The following NUP107 variants were observed in gnomAD, a reference collection of about 807,000 sequenced individuals.
NUP107 encodes nuclear pore complex protein Nup107.
In NUP107, 101 loss-of-function variants were observed where a neutral mutation model predicts 141.0. That is an observed-to-expected ratio of 0.72 (90% CI 0.61 to 0.84). NUP107 has a LOEUF of 0.84. Among genes scored for constraint, NUP107 ranks in the 40% least tolerant of loss-of-function variants. NUP107 has a pLI of 0.00. For synonymous variants in NUP107, 319 were observed against 363.9 expected (o/e 0.88, Z 1.41); for missense variants, 941 against 1,102.7 (o/e 0.85, Z 2.08).
chr12:68,736,717 C>CTTTTTTTTTTTTT (rs10713889), intron 26 of NUP107, among the ~76,000 whole-genome samples: 5 of 105,892 alleles, frequency 4.7e-5, no homozygotes, highest in Non-Finnish European at 5.5e-5. Flanking sequence ...GTGTCGCCAC[C>CTTTTTTTTTTTTT]TTTTTTTTTT....
At chr12:68,714,460 A>G (rs997022006) in intron 11 of NUP107, 5 of 152,250 alleles carry the variant, frequency 3.3e-5, no homozygotes, top group Non-Finnish European at 7.3e-5. Flanking sequence ...TAATCTTACC[A>G]GCTGGAAAGT....
intron 8 of NUP107, among the ~76,000 whole-genome samples, chr12:68,707,833 A>G (rs926933579): frequency 6.6e-6 from 1 of 152,246 alleles, no homozygotes; most frequent in African/African-American, 2.4e-5. Context: ...GAGGTGGCTC[A>G]TGCCTGCGAT....
chr12:68,709,120 T>C, intron 8 of NUP107, 118 bp from the exon 9 acceptor site: 1 of 669,624 alleles, frequency 1.5e-6, no homozygotes, highest in Non-Finnish European at 2.5e-6. Context: ...AAAATGTTTA[T>C]GTATAGATGA....
chr12:68,704,128 G>A (rs1876466400), intron 8 of NUP107, among the ~76,000 whole-genome samples: 1 of 152,200 alleles, frequency 6.6e-6, no homozygotes, highest in African/African-American at 2.4e-5. Flanking sequence ...ATATATGTGT[G>A]TGAGAGAAAT....
At chr12:68,706,529 G>A (rs1876589377) in intron 8 of NUP107, 12 of 678,354 alleles carry the variant, frequency 1.8e-5, no homozygotes, top group South Asian at 9.6e-5. Context: ...GGGATGACCC[G>A]TGGTGCACAA....
Position 68,731,181 on chromosome 12 carries a change from T to C in NUP107, c.1806T>C (p.Val602=), listed in dbSNP as rs1221125094. ...GTCATTTGCCTCAAGACCTAGCTGT[T>C]GCCCAGTATGCATTATTTTTGGAAA... The part of the protein sequence containing the change: ...YTCHLPQDLA[V]AQYALFLESV... The change falls in exon 21 of 28, where the codon GTT becomes GTC. Residue 602 remains valine (V), a synonymous_variant. Coordinates refer to ENST00000229179, the MANE Select transcript of NUP107 (RefSeq NM_020401.4). The C allele has an allele frequency of 1.2e-6, 2 of 1,612,152 alleles. No homozygotes were observed. Among genetic ancestry groups the C allele is most frequent in the Admixed American group, 3.4e-5 (2 of 59,670 alleles).
rs551358105 is a variant in NUP107, at chr12:68,690,646, G to A, written c.203G>A (p.Arg68Gln). 29 of 1,614,114 alleles carry A rather than the reference G, an allele frequency of 1.8e-5. 1 individual carries two copies. The highest frequency in any genetic ancestry group is 3.3e-4 in the Middle Eastern group (2 of 6,062). ...TTGTTTATAGTTACCCCAACAAGCC[G>A]AAGCTTACTAAGGCAGCCAGATATT... Reference protein sequence around the residue: ...SFRQPFTPTSRSLLRQPDISC... With the variant: ...SFRQPFTPTSQSLLRQPDISC... Residue 68 changes from arginine (R) to glutamine (Q), a missense_variant, in exon 4 of 28, where the codon CGA becomes CAA. Transcript: ENST00000229179.
chr12:68,693,115 T>G (rs1276911678), intron 5 of NUP107, among the ~76,000 whole-genome samples: 1 of 151,628 alleles, frequency 6.6e-6, no homozygotes, highest in African/African-American at 2.4e-5. Flanking sequence ...TCTCACTCTG[T>G]TGCCCAGACT....
intron 8 of NUP107, among the ~76,000 whole-genome samples, chr12:68,708,646 G>C (rs1335481408): frequency 6.6e-6 from 1 of 151,294 alleles, no homozygotes; most frequent in South Asian, 2.1e-4. Flanking sequence ...TTGGGATGGA[G>C]TCTCACTCTG....
intron 8 of NUP107, among the ~76,000 whole-genome samples, chr12:68,708,299 T>C (rs1565692078): frequency 6.6e-6 from 1 of 152,106 alleles, no homozygotes; most frequent in Non-Finnish European, 1.5e-5. Flanking sequence ...GTAAAATTTA[T>C]GAAGATATTT....
chr12:68,742,224 T>C (rs535785833), intron 27 of NUP107, 131 bp from the exon 28 acceptor site: 21 of 641,782 alleles, frequency 3.3e-5, no homozygotes, highest in Non-Finnish European at 5.0e-5. Context: ...TCTAATTTAC[T>C]AGGCTCTGGC....
chr12:68,698,670 T>C (rs1385110587), intron 6 of NUP107, among the ~76,000 whole-genome samples: 1 of 152,104 alleles, frequency 6.6e-6, no homozygotes, highest in African/African-American at 2.4e-5. Flanking sequence ...TATTGCTAAG[T>C]GAAAGAAGCC....
intron 17 of NUP107, among the ~76,000 whole-genome samples, chr12:68,724,934 C>T (rs1003328407): frequency 6.6e-5 from 10 of 151,960 alleles, no homozygotes; most frequent in African/African-American, 2.4e-4. Flanking sequence ...ACACAAAGTC[C>T]AAACTAGATC....
chr12:68,722,669 C>T (rs535968829), intron 17 of NUP107, among the ~76,000 whole-genome samples: 92 of 152,144 alleles, frequency 6.0e-4, no homozygotes, highest in Non-Finnish European at 9.9e-4. Context: ...AATGTAGATA[C>T]TCCAATTTAG....
rs776241429 is a variant in NUP107 at position 68,696,864 on chromosome 12, A to G, written c.494A>G (p.His165Arg). 2.5e-6 allele frequency: 4 copies of G among 1,608,620 alleles called. No individual in the cohort carries two copies. The highest frequency in any genetic ancestry group is 1.7e-5 in the Admixed American group (1 of 59,708). The change falls in exon 6 of 28, where the codon CAC (histidine) becomes CGC (arginine). Residue 165 changes from histidine (H) to arginine (R), a missense_variant. Coordinates refer to ENST00000229179, the MANE Select transcript of NUP107 (RefSeq NM_020401.4). ...FSDFLQSFLK[H>R]SSSTVFDLVE... Reference sequence around the variant, plus strand: ...GATTTCCTGCAGTCTTTTCTGAAGCACTCTTCGAGTACAGTTTTTGATCTT... The same window carrying G: ...GATTTCCTGCAGTCTTTTCTGAAGCGCTCTTCGAGTACAGTTTTTGATCTT...
At chr12:68,717,848 G>C (rs993878680) in intron 12 of NUP107, among the ~76,000 whole-genome samples, 3 of 152,114 alleles carry the variant, frequency 2.0e-5, no homozygotes, top group African/African-American at 7.2e-5. Flanking sequence ...AGTTTTCCAT[G>C]TTAATTCTTA....
chr12:68,706,317 A>G (rs1336813525), intron 8 of NUP107: 60 of 1,197,174 alleles, frequency 5.0e-5, no homozygotes, highest in African/African-American at 1.0e-4. Flanking sequence ...AGGCAACTGT[A>G]TGAAGAGGAG....
intron 10 of NUP107, among the ~76,000 whole-genome samples, 153 bp from the exon 11 acceptor site, chr12:68,713,577 A>G (rs1033901281): frequency 1.3e-5 from 2 of 152,154 alleles, no homozygotes; most frequent in Non-Finnish European, 2.9e-5. Flanking sequence ...ACCATTAGTC[A>G]TCTGAGCTAA....
intron 8 of NUP107, among the ~76,000 whole-genome samples, chr12:68,704,311 A>AAT (rs1422562166): frequency 6.6e-6 from 1 of 152,192 alleles, no homozygotes; most frequent in Non-Finnish European, 1.5e-5. Context: ...GCAGCAAGTA[A>AAT]CATTTCTGGA....
Sources: allele counts gnomAD v4.1 joint callset (sites outside exome capture counted in the v4.1 genomes callset), GRCh38; gene constraint gnomAD v4.1.1; transcripts MANE v1.5; gene names NCBI Gene and HGNC (gene_info 2026-07-23, HGNC 2026-07-21).